SWI5: variants seen among roughly 807,000 people sequenced by gnomAD.
SWI5 encodes SWI5 homologous recombination repair protein.
Under a neutral mutation model 17.0 loss-of-function variants are expected in SWI5, and 12 were observed. The ratio of observed to expected loss-of-function variants is 0.71; its 90% CI spans 0.45 to 1.14. The LOEUF is 1.14. Among genes scored for constraint, SWI5 ranks in the 50% most tolerant of loss-of-function variants. SWI5 has a pLI of 0.00. For synonymous variants in SWI5, 61 were observed against 64.0 expected (o/e 0.95, Z 0.22); for missense variants, 158 against 162.2 (o/e 0.97, Z 0.14).
In SWI5 at chr9:128,280,288, A is replaced by C. The variant is rs539359891; in HGVS notation, c.111+3533A>C. Reference sequence around the variant, plus strand: ...CCACCCCAGTGCCCACAACCCTCCTATCTCTCTCCAGCCCTGACCTTTCTT... The same window carrying C: ...CCACCCCAGTGCCCACAACCCTCCTCTCTCTCTCCAGCCCTGACCTTTCTT... On this transcript the variant is annotated intron_variant, in intron 2 of 4. Coordinates refer to ENST00000418976, the Ensembl canonical transcript of SWI5. Among the ~76,000 whole-genome samples the C allele has an allele frequency of 2.8e-3, 423 of 151,542 alleles. 1 individual carries two copies. The highest frequency in any genetic ancestry group is 9.6e-3 in the African/African-American group (397 of 41,282).
chr9:128,283,219 G>T (rs1831573144), intron 2 of SWI5, among the ~76,000 whole-genome samples: 1 of 151,972 alleles, frequency 6.6e-6, no homozygotes, highest in Non-Finnish European at 1.5e-5. Flanking sequence ...CTACTCAGGA[G>T]GCTGAGGCAG....
At chr9:128,275,965 T>A (rs754013673), upstream of SWI5, 1 of 1,590,426 alleles carries the variant, frequency 6.3e-7, no homozygotes, top group Non-Finnish European at 8.6e-7. Flanking sequence ...GGAGGCGGGG[T>A]TGGGGCCACA....
rs1208422803 is a variant in SWI5 at position 128,283,160 on chromosome 9, C to CA, written c.112-1338dup. On this transcript the variant is annotated intron_variant, in intron 2 of 4. Coordinates refer to ENST00000418976, the Ensembl canonical transcript of SWI5. ...TGAAACCCTGTCTCTACTAAAAATACAAAAAAAAAAAATTAGCCAGGCATG... is the reference window on the plus strand; with the variant it reads ...TGAAACCCTGTCTCTACTAAAAATACAAAAAAAAAAAAATTAGCCAGGCATG... Among the ~76,000 whole-genome samples the CA allele has an allele frequency of 6.9e-3, 993 of 143,630 alleles. 5 individuals are homozygous for CA. The highest frequency in any genetic ancestry group is 0.012 in the Non-Finnish European group (787 of 65,300). The allele number at this position is 143,630 out of a possible 152,430, so 94.2% of individuals were successfully genotyped here. A position where few individuals can be genotyped will look rare whatever the true frequency, so the allele number is the denominator to read the frequency against.
At position 128,284,431 on chromosome 9, in the gene SWI5, G is replaced by A. The variant is rs1199109346; in HGVS notation, c.112-79G>A. The stretch of plus-strand genomic sequence containing the variant: ...GTGCCTATTAGCAAGCAGAAGCAGG[G>A]AGTGACTACTGGGGGACATGTAGGC... On this transcript the variant is annotated intron_variant, in intron 2 of 4. Transcript: ENST00000418976. 2.6e-6 allele frequency: 4 copies of A among 1,531,368 alleles called. No homozygotes were observed. The East Asian group carries it at 7.0e-5, about 27-fold the overall frequency. 94.9% of individuals were successfully genotyped at this position (1,531,368 alleles called of 1,614,324 possible). A position where few individuals can be genotyped will look rare whatever the true frequency, so the allele number is the denominator to read the frequency against.
chr9:128,277,992 G>A (rs1319403671), intron 2 of SWI5, among the ~76,000 whole-genome samples: 2 of 123,540 alleles, frequency 1.6e-5, no homozygotes, highest in Non-Finnish European at 3.1e-5. Flanking sequence ...GCACTCTGTC[G>A]CCCGGGCTGG....
intron 4 of SWI5, among the ~76,000 whole-genome samples, chr9:128,286,794 C>T (rs946203906): frequency 2.0e-5 from 3 of 151,908 alleles, no homozygotes; most frequent in Non-Finnish European, 2.9e-5. Context: ...ATGAAAAGAG[C>T]GGGGTGATCA....
At chr9:128,276,244 T>C (rs1047030974) in exon 1 of SWI5, 2 of 1,612,350 alleles carry the variant, frequency 1.2e-6, no homozygotes, top group African/African-American at 2.7e-5. Context: ...GGGCCGGCTT[T>C]CCTTGGGTGC....
Position 128,288,661 on chromosome 9 carries a change from G to T in SWI5, c.338G>T (p.Arg113Leu). 1.9e-6 allele frequency: 3 copies of T among 1,614,092 alleles called. No homozygotes were observed. Among genetic ancestry groups the T allele is most frequent in the Non-Finnish European group, 2.5e-6 (3 of 1,180,028 alleles). The change falls in exon 5 of 5, where the codon CGA (arginine) becomes CTA (leucine). Residue 113 changes from arginine (R) to leucine (L), a missense_variant. Physicochemically the swap from Arg to Leu is moderately radical, Grantham distance 102. Transcript: ENST00000418976. ...CCTTCCTTCCTTTCAGCTGTGATCC[G>T]AGGTGTCACCACCAAAGAGTTGTAT...
chr9:128,281,768 C>T (rs909285001), intron 2 of SWI5, among the ~76,000 whole-genome samples: 3 of 152,272 alleles, frequency 2.0e-5, no homozygotes, highest in Non-Finnish European at 2.9e-5. Context: ...TGTCGGGTGA[C>T]GAAAAATGCT....
chr9:128,276,250 GGTGCGCGCGCAGCTTTCT>G lies in SWI5; in HGVS notation c.-84_-67del. 6.2e-7 allele frequency: 1 copy of G among 1,612,604 alleles called. No homozygotes were observed. The highest frequency in any genetic ancestry group is 1.1e-5 in the South Asian group (1 of 91,060). ...AGAGGGGCGGGGCCGGCTTTCCTTG[GGTGCGCGCGCAGCTTTCT>G]GTGCGCCAGTTCACACTCCGGGTCA... On this transcript the variant is annotated 5_prime_UTR_variant, in exon 1 of 5. Transcript: ENST00000418976.
chr9:128,286,084 T>C (rs1831634738), intron 4 of SWI5, 51 bp downstream of exon 4: 2 of 1,402,768 alleles, frequency 1.4e-6, no homozygotes, highest in Non-Finnish European at 2.0e-6. Context: ...GGGTGTCGTC[T>C]CGCCTAGGGG....
chr9:128,275,921 T>C (rs1453329067), upstream of SWI5: 8 of 1,589,160 alleles, frequency 5.0e-6, no homozygotes, highest in Admixed American at 1.9e-5. Context: ...CAATTTGCTC[T>C]GTCGGGTTTC....
At position 128,285,878 on chromosome 9, in the gene SWI5, G is replaced by C; in HGVS notation, c.234-61G>C. On this transcript the variant is annotated intron_variant, in intron 3 of 4. Coordinates refer to ENST00000418976, the Ensembl canonical transcript of SWI5. The surrounding 1 kb of genome is among the most constrained non-coding windows in gnomAD (Gnocchi z 4.8). ...GATGCCTTATTACTATCTGAGCCTG[G>C]GGCCATCATCTGCTTTCTTAACTGG... 8.7e-7 allele frequency: 1 copy of C among 1,150,234 alleles called. No individual in the cohort carries two copies. Among genetic ancestry groups the C allele is most frequent in the South Asian group, 1.3e-5 (1 of 79,776 alleles). 71.3% of individuals were successfully genotyped at this position (1,150,234 alleles called of 1,614,324 possible). A position where few individuals can be genotyped will look rare whatever the true frequency, so the allele number is the denominator to read the frequency against.
At chr9:128,275,622 C>A, upstream of SWI5, 1 of 789,078 alleles carries the variant, frequency 1.3e-6, no homozygotes, top group South Asian at 2.3e-5. Context: ...CCAGGGAGGT[C>A]GGACTTCGGG....
At chr9:128,275,786 G>A, upstream of SWI5, 1 of 645,766 alleles carries the variant, frequency 1.5e-6, no homozygotes, top group South Asian at 2.1e-5. Flanking sequence ...CGCGCCGTGG[G>A]GAGCCCAGCC....
chr9:128,275,586 T>A (rs912238126), upstream of SWI5: 16 of 1,051,782 alleles, frequency 1.5e-5, no homozygotes, highest in Non-Finnish European at 1.8e-5. Flanking sequence ...GGGTCCTAGG[T>A]CCTTGGAGAC....
Position 128,276,257 on chromosome 9 carries a change from G to T in SWI5, c.-84G>T, listed in dbSNP as rs149957696. The T allele has an allele frequency of 1.7e-5, 27 of 1,612,634 alleles. No individual in the cohort carries two copies. The African/African-American group carries it at 2.7e-4, about 16-fold the overall frequency. On this transcript the variant is annotated 5_prime_UTR_variant, in exon 1 of 5. Coordinates refer to ENST00000418976, the Ensembl canonical transcript of SWI5. Reference sequence around the variant, plus strand: ...CGGGGCCGGCTTTCCTTGGGTGCGCGCGCAGCTTTCTGTGCGCCAGTTCAC... The same window carrying T: ...CGGGGCCGGCTTTCCTTGGGTGCGCTCGCAGCTTTCTGTGCGCCAGTTCAC...
upstream of SWI5, chr9:128,275,972 CACATCAG>C (rs544532211): frequency 1.1e-4 from 169 of 1,596,940 alleles, no homozygotes; most frequent in East Asian, 3.4e-3. Flanking sequence ...GGGTTGGGGC[CACATCAG>C]CGCGATCCCG....
chr9:128,276,376 G>T, exon 1 of SWI5: 1 of 1,613,152 alleles, frequency 6.2e-7, no homozygotes, highest in East Asian at 2.2e-5. Flanking sequence ...CCCTGATCCG[G>T]GGGCCTCGGA....
Sources: gnomAD v4.1 joint callset for allele counts (sites outside exome capture counted in the v4.1 genomes callset) on GRCh38, gnomAD v4.1.1 for gene constraint, Gnocchi (gnomAD v3.1) non-coding constraint, MANE v1.5 for transcripts, NCBI Gene and HGNC (gene_info 2026-07-23, HGNC 2026-07-21) for gene names.